ANKS1B: variants seen among roughly 807,000 people sequenced by gnomAD.
ANKS1B encodes the protein ankyrin repeat and sterile alpha motif domain-containing protein 1B.
A neutral mutation model predicts 148.3 loss-of-function variants in ANKS1B; 36 were observed. That is an observed-to-expected ratio of 0.24 (90% CI 0.19 to 0.32). The LOEUF (loss-of-function observed/expected upper bound fraction) is 0.32, where lower values mean the gene tolerates loss of function less well. Among genes scored for constraint, ANKS1B ranks in the 10% least tolerant of loss-of-function variants. The pLI is 1.00. For synonymous variants in ANKS1B, 542 were observed against 560.8 expected, an observed-to-expected ratio of 0.97 and a Z score of 0.47; for missense variants, 1,157 against 1,542.6, an observed-to-expected ratio of 0.75 and a Z score of 4.19.
intron 8 of ANKS1B, among the ~76,000 whole-genome samples, chr12:99,659,736 G>A (rs756962680): frequency 2.0e-5 from 3 of 152,128 alleles, no homozygotes; most frequent in Admixed American, 1.3e-4. Flanking sequence ...CTTTCAGATA[G>A]AGAATAGCCC....
intron 9 of ANKS1B, among the ~76,000 whole-genome samples, chr12:99,639,896 G>A (rs1201793701): frequency 2.0e-5 from 3 of 152,184 alleles, no homozygotes; most frequent in Non-Finnish European, 2.9e-5. Flanking sequence ...GATAGGCTGG[G>A]CATGGTGGCT....
chr12:99,615,694 T>G (rs889852088), intron 9 of ANKS1B, among the ~76,000 whole-genome samples: 3 of 152,128 alleles, frequency 2.0e-5, no homozygotes, highest in Non-Finnish European at 4.4e-5. Flanking sequence ...TCATACTGAA[T>G]AGGCAAAAGC....
intron 8 of ANKS1B, among the ~76,000 whole-genome samples, chr12:99,695,755 C>CA (rs1173687961): frequency 1.3e-5 from 2 of 152,116 alleles, no homozygotes; most frequent in African/African-American, 4.8e-5. Context: ...GACAGAGCAT[C>CA]ATGATAAAGA....
At chr12:99,724,118 C>T (rs967278287) in intron 8 of ANKS1B, among the ~76,000 whole-genome samples, 2 of 151,836 alleles carry the variant, frequency 1.3e-5, no homozygotes, top group Non-Finnish European at 2.9e-5. Context: ...ATTGCAATGC[C>T]GCTCCAGCAA....
chr12:99,933,438 C>T (rs760331914), intron 1 of ANKS1B, among the ~76,000 whole-genome samples: 1 of 152,040 alleles, frequency 6.6e-6, no homozygotes, highest in African/African-American at 2.4e-5. Context: ...CAATTTCTTG[C>T]ATCAGTGTTG....
intron 9 of ANKS1B, among the ~76,000 whole-genome samples, chr12:99,551,934 C>T: frequency 6.6e-6 from 1 of 151,998 alleles, no homozygotes. Context: ...GATTTAAGGG[C>T]CACCTCCCCC....
chr12:99,278,768 G>C (rs1259127016), intron 12 of ANKS1B, among the ~76,000 whole-genome samples: 1 of 152,074 alleles, frequency 6.6e-6, no homozygotes, highest in Non-Finnish European at 1.5e-5. Flanking sequence ...AATGGAGAAA[G>C]GTAAATACTT....
At chr12:99,173,747 C>G (rs1268703792) in intron 14 of ANKS1B, among the ~76,000 whole-genome samples, 2 of 152,124 alleles carry the variant, frequency 1.3e-5, no homozygotes, top group East Asian at 3.9e-4. Flanking sequence ...CTGTCATGGA[C>G]AGTTATATTC....
chr12:99,468,990 C>T (rs1320043921), intron 10 of ANKS1B, among the ~76,000 whole-genome samples: 8 of 152,050 alleles, frequency 5.3e-5, no homozygotes, highest in Non-Finnish European at 8.8e-5. Context: ...CACATGCACA[C>T]GTATGTTTAT....
intron 1 of ANKS1B, among the ~76,000 whole-genome samples, chr12:99,925,708 G>C (rs1566011884): frequency 1.3e-5 from 2 of 152,066 alleles, no homozygotes; most frequent in African/African-American, 4.8e-5. Flanking sequence ...TTGAAAAAAA[G>C]GTAAGTGATT....
intron 26 of ANKS1B, 66 bp from the exon 27 acceptor site, chr12:98,745,915 G>T: frequency 1.3e-6 from 2 of 1,534,776 alleles, no homozygotes; most frequent in South Asian, 1.2e-5. Flanking sequence ...GCACGCGGAC[G>T]CCGCTGGCGA....
At chr12:99,087,934 C>T (rs918152746) in intron 15 of ANKS1B, among the ~76,000 whole-genome samples, 12 of 143,886 alleles carry the variant, frequency 8.3e-5, no homozygotes, top group Admixed American at 2.1e-4. Context: ...TTCTGTATCT[C>T]AGTAAGAGAG....
intron 17 of ANKS1B, among the ~76,000 whole-genome samples, chr12:98,946,447 A>G (rs1366895223): frequency 6.6e-6 from 1 of 152,230 alleles, no homozygotes; most frequent in African/African-American, 2.4e-5. Flanking sequence ...TGCTGTGTAC[A>G]GGCACTGCTT....
At chr12:99,848,296 T>G (rs1336449725) in intron 1 of ANKS1B, among the ~76,000 whole-genome samples, 1 of 151,994 alleles carries the variant, frequency 6.6e-6, no homozygotes, top group Non-Finnish European at 1.5e-5. Flanking sequence ...AGTGGAAGAA[T>G]GGGGGCCAGG....
chr12:99,225,538 A>T (rs936434668), intron 14 of ANKS1B, among the ~76,000 whole-genome samples: 1 of 152,064 alleles, frequency 6.6e-6, no homozygotes, highest in Admixed American at 6.6e-5. Flanking sequence ...GGACTGGGAG[A>T]GGCAGATCAC....
At chr12:99,146,856 C>T (rs1181977051) in intron 15 of ANKS1B, among the ~76,000 whole-genome samples, 1 of 152,248 alleles carries the variant, frequency 6.6e-6, no homozygotes, top group East Asian at 1.9e-4. Context: ...ATACATCTAA[C>T]TCATGAGGAG....
intron 1 of ANKS1B, among the ~76,000 whole-genome samples, chr12:99,970,608 C>G (rs1188761644): frequency 1.3e-5 from 2 of 151,902 alleles, no homozygotes; most frequent in East Asian, 3.9e-4. Flanking sequence ...CAAGGTCCTT[C>G]TATCTCCAGA....
Position 98,782,109 on chromosome 12 carries a change from C to A in ANKS1B, c.3354+17G>T. Reference sequence around the variant, plus strand: ...ATATACTAGTAATAATCACACTAAACATCAAGAAGAACCTACCTGACAGTT... The same window carrying A: ...ATATACTAGTAATAATCACACTAAAAATCAAGAAGAACCTACCTGACAGTT... On this transcript the variant is annotated intron_variant, in intron 23 of 26. Transcript: ENST00000683438. The A allele has an allele frequency of 6.3e-7, 1 of 1,594,504 alleles. No individual in the cohort carries two copies. The highest frequency in any genetic ancestry group is 1.1e-5 in the South Asian group (1 of 87,552).
intron 17 of ANKS1B, among the ~76,000 whole-genome samples, chr12:98,838,369 T>C (rs1222004504): frequency 6.6e-6 from 1 of 152,240 alleles, no homozygotes; most frequent in Non-Finnish European, 1.5e-5. Flanking sequence ...CTCTATGTTC[T>C]GCATGAAATC....
Sources: gnomAD v4.1 joint callset for allele counts (sites outside exome capture counted in the v4.1 genomes callset) on GRCh38, gnomAD v4.1.1 for gene constraint, MANE v1.5 for transcripts, NCBI Gene and HGNC (gene_info 2026-07-23, HGNC 2026-07-21) for gene names.